The following RIPOR2 variants were observed in gnomAD, a reference collection of about 807,000 sequenced individuals.
RIPOR2 encodes RHO family interacting cell polarization regulator 2.
In RIPOR2, 39 loss-of-function variants were observed where a neutral mutation model predicts 114.5. The observed-to-expected ratio is 0.34, with a 90% CI of 0.26 to 0.44. The LOEUF (loss-of-function observed/expected upper bound fraction) is 0.44. RIPOR2 is among the 20% of genes least tolerant of loss of function. RIPOR2 has a pLI of 1.00. For missense variants in RIPOR2, 1,007 were observed against 1,255.1 expected, an observed-to-expected ratio of 0.80 and a Z score of 2.99; for synonymous variants, 445 against 484.4, an observed-to-expected ratio of 0.92 and a Z score of 1.07.
intron 8 of RIPOR2, among the ~76,000 whole-genome samples, chr6:24,853,629 A>AC (rs1763169010): frequency 6.6e-6 from 1 of 152,226 alleles, no homozygotes; most frequent in South Asian, 2.1e-4. Context: ...TAGAAAATTT[A>AC]CTTAACCCAA....
chr6:24,829,440 C>T (rs1760475501), intron 17 of RIPOR2, among the ~76,000 whole-genome samples: 1 of 152,138 alleles, frequency 6.6e-6, no homozygotes, highest in Admixed American at 6.5e-5. Context: ...CCAGCCTGGG[C>T]AAGAGACTGA....
intron 19 of RIPOR2, 95 bp from the exon 20 acceptor site, chr6:24,818,720 T>C (rs1759397777): frequency 1.6e-6 from 1 of 625,034 alleles, no homozygotes; most frequent in South Asian, 3.1e-5. Context: ...AACTATAGCA[T>C]ATAACCTACA....
intron 1 of RIPOR2, chr6:24,877,411 T>C (rs1243978071): frequency 1.4e-5 from 13 of 948,360 alleles, no homozygotes; most frequent in Non-Finnish European, 1.5e-5. Context: ...TGCTCTTTCA[T>C]CTGGGTGAGA....
At chr6:24,832,149 G>T in intron 16 of RIPOR2, 107 bp downstream of exon 16, 1 of 1,117,958 alleles carries the variant, frequency 8.9e-7, no homozygotes, top group African/African-American at 1.6e-5. Context: ...TGTGACCTAA[G>T]AATGCTTTTC....
intron 1 of RIPOR2, among the ~76,000 whole-genome samples, chr6:25,019,589 A>T (rs1581961629): frequency 2.0e-5 from 2 of 100,336 alleles, no homozygotes; most frequent in Admixed American, 1.0e-4. Context: ...CTAACACGGT[A>T]AAAAAAAAAC....
chr6:25,019,631 G>A (rs533594619), intron 1 of RIPOR2, among the ~76,000 whole-genome samples: 7 of 151,156 alleles, frequency 4.6e-5, no homozygotes, highest in East Asian at 3.9e-4. Context: ...AAAGTTAGCC[G>A]GGCGTGGTGG....
intron 1 of RIPOR2, among the ~76,000 whole-genome samples, chr6:25,031,738 T>G (rs1156968622): frequency 1.2e-5 from 1 of 84,678 alleles, no homozygotes; most frequent in African/African-American, 4.7e-5. Context: ...TATATATATA[T>G]ATATATATAT....
intron 7 of RIPOR2, among the ~76,000 whole-genome samples, chr6:24,863,610 G>C (rs764652979): frequency 3.9e-5 from 6 of 152,192 alleles, no homozygotes; most frequent in Non-Finnish European, 7.3e-5. Context: ...GTAGGATGGG[G>C]GAGGGTGGGA....
At chr6:24,874,727 G>A (rs1562297855) in intron 2 of RIPOR2, among the ~76,000 whole-genome samples, 1 of 152,202 alleles carries the variant, frequency 6.6e-6, no homozygotes, top group Non-Finnish European at 1.5e-5. Context: ...TTAGGTACAA[G>A]TGTCTATGAA....
chr6:24,836,545 G>T (rs1040891768), intron 14 of RIPOR2, among the ~76,000 whole-genome samples: 2 of 152,136 alleles, frequency 1.3e-5, no homozygotes, highest in Non-Finnish European at 2.9e-5. Context: ...CTAAACCTGC[G>T]TACTAGGGAG....
At chr6:24,921,847 T>A (rs1770522340) in intron 1 of RIPOR2, among the ~76,000 whole-genome samples, 1 of 151,944 alleles carries the variant, frequency 6.6e-6, no homozygotes, top group African/African-American at 2.4e-5. Context: ...TTTTAAAATT[T>A]GAGACAGAGT....
Position 24,935,683 on chromosome 6 carries a change from T to C in RIPOR2, c.61+155A>G, listed in dbSNP as rs1169269259. On this transcript the variant is annotated intron_variant, in intron 1 of 21. Transcript: ENST00000643898. ...TTGCCTTGTGTATTCCTTCAGTGCC[T>C]AAGTTGATATTTGCAGCCACTACCT... Among the ~76,000 whole-genome samples, 7 of 152,216 alleles carry C rather than the reference T, an allele frequency of 4.6e-5. No homozygotes were observed. The East Asian group carries it at 1.3e-3, about 29-fold the overall frequency.
intron 1 of RIPOR2, among the ~76,000 whole-genome samples, chr6:24,896,773 C>T (rs555242948): frequency 1.3e-5 from 2 of 152,140 alleles, no homozygotes; most frequent in East Asian, 1.9e-4. Flanking sequence ...TGTGGTGGCA[C>T]GTGCCTGTAA....
chr6:24,826,244 TG>T (rs1478877031), intron 18 of RIPOR2, among the ~76,000 whole-genome samples: 1 of 152,136 alleles, frequency 6.6e-6, no homozygotes, highest in African/African-American at 2.4e-5. Context: ...CCCATTTTGT[TG>T]GTTGGAATAG....
intron 1 of RIPOR2, among the ~76,000 whole-genome samples, chr6:24,970,359 A>G (rs1248270382): frequency 2.0e-5 from 3 of 152,116 alleles, no homozygotes; most frequent in Non-Finnish European, 4.4e-5. Context: ...ATTTAGGGAA[A>G]CTCAAAGAGG....
At chr6:24,823,296 A>G (rs1294255907) in intron 19 of RIPOR2, among the ~76,000 whole-genome samples, 1 of 152,184 alleles carries the variant, frequency 6.6e-6, no homozygotes, top group Non-Finnish European at 1.5e-5. Flanking sequence ...AGGCTTTGGG[A>G]GTCAAACATT....
intron 9 of RIPOR2, among the ~76,000 whole-genome samples, chr6:24,852,097 TA>T (rs1359688132): frequency 6.6e-6 from 1 of 151,734 alleles, no homozygotes; most frequent in Non-Finnish European, 1.5e-5. Flanking sequence ...CCATCTCTAC[TA>T]AAAATACAAA....
Position 24,916,934 on chromosome 6 carries a change from C to G in RIPOR2, c.61+18904G>C, listed in dbSNP as rs1770123222. Among the ~76,000 whole-genome samples, 3 of 151,424 alleles carry G rather than the reference C, an allele frequency of 2.0e-5. No homozygotes were observed. In the South Asian group the frequency reaches 6.3e-4, roughly 32 times the overall value. On this transcript the variant is annotated intron_variant, in intron 1 of 21. Transcript: ENST00000643898. Reference sequence around the variant, plus strand: ...ACTTCTAGCTTCCACACCAAGTGACCTGTAAGGCTGCATAGGTAGACAACA... The same window carrying G: ...ACTTCTAGCTTCCACACCAAGTGACGTGTAAGGCTGCATAGGTAGACAACA...
chr6:25,028,744 T>C (rs1776750370), intron 1 of RIPOR2, among the ~76,000 whole-genome samples: 1 of 152,150 alleles, frequency 6.6e-6, no homozygotes, highest in Non-Finnish European at 1.5e-5. Context: ...GAGTCTCCAA[T>C]GAGATAATGC....
Sources: gnomAD v4.1 joint callset for allele counts (sites outside exome capture counted in the v4.1 genomes callset) on GRCh38, gnomAD v4.1.1 for gene constraint, MANE v1.5 for transcripts, NCBI Gene and HGNC (gene_info 2026-07-23, HGNC 2026-07-21) for gene names.